Variants in USP33 observed in about 807,000 individuals in gnomAD.
The protein encoded by USP33 is ubiquitin specific peptidase 33.
A neutral mutation model predicts 124.2 loss-of-function variants in USP33; 46 were observed. The observed-to-expected ratio is 0.37, with a 90% CI of 0.29 to 0.47. USP33 has a LOEUF of 0.47. Ranked by LOEUF, USP33 falls within the 20% of genes least tolerant of loss-of-function variation. The pLI is 0.99. For synonymous variants in USP33, 350 were observed against 352.3 expected (o/e 0.99, Z 0.07); for missense variants, 851 against 1,070.6 (o/e 0.79, Z 2.86).
intron 7 of USP33, among the ~76,000 whole-genome samples, chr1:77,733,337 G>A (rs1678060249): frequency 6.6e-6 from 1 of 151,482 alleles, no homozygotes; most frequent in African/African-American, 2.4e-5. Flanking sequence ...GAGCTGCAGT[G>A]AGCCAAAATC....
intron 6 of USP33, 61 bp from the exon 7 acceptor site, chr1:77,734,477 G>A (rs1678190980): frequency 9.4e-7 from 1 of 1,061,552 alleles, no homozygotes; most frequent in Non-Finnish European, 1.4e-6. Context: ...TCAATTTTAG[G>A]GGTCATTAAT....
At position 77,697,358 on chromosome 1, in the gene USP33, G is replaced by C; in HGVS notation, c.2695C>G (p.Gln899Glu). The C allele has an allele frequency of 6.2e-7, 1 of 1,609,168 alleles. No individual in the cohort carries two copies. Among genetic ancestry groups the C allele is most frequent in the South Asian group, 1.1e-5 (1 of 89,770 alleles). Residue 899 changes from glutamine to glutamate, a missense_variant, in exon 24 of 24, where the codon CAA (glutamine) becomes GAA (glutamate). Coordinates refer to ENST00000370794, the MANE Select transcript of USP33 (RefSeq NM_201624.3). ...TCTACTTCAATTTTTTCTTCTGCTT[G>C]AAGTATATCTGGATCAACATGAACA... The part of the protein sequence containing the change: ...PVVHVDPDIL[Q>E]AEEKIEVETR...
chr1:77,752,891 A>G (rs1039094676), intron 1 of USP33, among the ~76,000 whole-genome samples: 2 of 151,942 alleles, frequency 1.3e-5, no homozygotes, highest in Non-Finnish European at 2.9e-5. Context: ...CAGCCTAGCC[A>G]ACATGGTGAA....
At position 77,739,430 on chromosome 1, in the gene USP33, A is replaced by G; in HGVS notation, c.199-13T>C. 6.4e-7 allele frequency: 1 copy of G among 1,573,204 alleles called. No homozygotes were observed. Among genetic ancestry groups the G allele is most frequent in the Non-Finnish European group, 8.6e-7 (1 of 1,161,970 alleles). ...AATGCTTTGTCTCCTATATAATTTC[A>G]CAGTAGAGGGAAAAGAGGAACCAAA... is the stretch of plus-strand genomic sequence containing the variant. On this transcript the variant is annotated splice_polypyrimidine_tract_variant and intron_variant, in intron 4 of 23. Transcript: ENST00000370794.
At chr1:77,750,953 A>T (rs1431594748) in intron 1 of USP33, among the ~76,000 whole-genome samples, 1 of 152,214 alleles carries the variant, frequency 6.6e-6, no homozygotes, top group Non-Finnish European at 1.5e-5. Flanking sequence ...TGTACACCAA[A>T]AGAAAGAAGG....
chr1:77,738,470 G>C (rs1678731769), intron 5 of USP33, among the ~76,000 whole-genome samples: 1 of 151,854 alleles, frequency 6.6e-6, no homozygotes, highest in Non-Finnish European at 1.5e-5. Context: ...GATCCAAAAG[G>C]AGAAAAATCT....
At chr1:77,718,779 A>C in intron 15 of USP33, 138 bp from the exon 16 acceptor site, 3 of 642,216 alleles carry the variant, frequency 4.7e-6, no homozygotes, top group Non-Finnish European at 5.4e-6. Flanking sequence ...AAAATACAAA[A>C]TTAGCCAGGC....
chr1:77,719,953 G>A (rs1676373208), intron 15 of USP33, among the ~76,000 whole-genome samples: 1 of 150,956 alleles, frequency 6.6e-6, no homozygotes, highest in African/African-American at 2.4e-5. Flanking sequence ...TGCAAGCCAA[G>A]GAGTTCACAA....
intron 21 of USP33, among the ~76,000 whole-genome samples, chr1:77,705,921 T>C (rs914436653): frequency 9.9e-5 from 15 of 152,236 alleles, no homozygotes; most frequent in Middle Eastern, 3.2e-3. Flanking sequence ...ATATAGTCTT[T>C]TGTATGTCTT....
At chr1:77,741,531 C>T (rs1267561314) in intron 2 of USP33, 86 bp downstream of exon 2, 6 of 1,534,670 alleles carry the variant, frequency 3.9e-6, no homozygotes, top group African/African-American at 2.8e-5. Flanking sequence ...AAATACTGCT[C>T]ATAGAGTATT....
intron 23 of USP33, 122 bp downstream of exon 23, chr1:77,697,741 A>T: frequency 9.4e-7 from 1 of 1,063,182 alleles, no homozygotes; most frequent in Non-Finnish European, 1.4e-6. Flanking sequence ...TACTTGCCCT[A>T]GTTAATGTAT....
At chr1:77,722,399 T>G in intron 12 of USP33, 1 of 505,368 alleles carries the variant, frequency 2.0e-6, no homozygotes, top group Non-Finnish European at 3.5e-6. Flanking sequence ...ACACTTGCTC[T>G]GTACCAGGTA....
At chr1:77,718,877 C>G (rs995119570) in intron 15 of USP33, among the ~76,000 whole-genome samples, 23 of 136,146 alleles carry the variant, frequency 1.7e-4, no homozygotes, top group African/African-American at 6.1e-4. Context: ...TGCAGAGAGC[C>G]AAGATCGCAC....
At chr1:77,708,534 C>A (rs975757685) in intron 21 of USP33, among the ~76,000 whole-genome samples, 9 of 152,226 alleles carry the variant, frequency 5.9e-5, no homozygotes, top group African/African-American at 1.9e-4. Flanking sequence ...TTTCTGAGCA[C>A]TGCCATAGGC....
chr1:77,696,492 C>T lies in USP33; in HGVS notation c.*825G>A, dbSNP rs1227786258. ...TTTAATAAGCTAGTTAGTGTATATG[C>T]TGCAGTGCAAAAAAAGTGACACCCT... is the stretch of plus-strand genomic sequence containing the variant. On this transcript the variant is annotated 3_prime_UTR_variant, in exon 24 of 24. Transcript: ENST00000370794. The T allele has an allele frequency of 3.3e-5, 5 of 152,668 alleles. No homozygotes were observed. Among genetic ancestry groups the T allele is most frequent in the Admixed American group, 6.5e-5 (1 of 15,298 alleles). The allele number at this position is 152,668 out of a possible 1,614,324, so 9.5% of individuals were successfully genotyped here. A position where few individuals can be genotyped will look rare whatever the true frequency, so the allele number is the denominator to read the frequency against.
chr1:77,747,110 C>A (rs560413007), intron 1 of USP33, among the ~76,000 whole-genome samples: 12 of 152,248 alleles, frequency 7.9e-5, no homozygotes, highest in Admixed American at 5.2e-4. Flanking sequence ...AACTTACCTA[C>A]CTACCTTTTT....
chr1:77,697,574 T>A, intron 23 of USP33, 100 bp from the exon 24 acceptor site: 2 of 1,356,364 alleles, frequency 1.5e-6, no homozygotes, highest in Non-Finnish European at 2.0e-6. Flanking sequence ...TCGGGATAAT[T>A]GAGAACTTCT....
intron 1 of USP33, among the ~76,000 whole-genome samples, chr1:77,746,811 C>T (rs1199311446): frequency 6.6e-6 from 1 of 152,132 alleles, no homozygotes; most frequent in East Asian, 1.9e-4. Flanking sequence ...CAGAAAAGGC[C>T]TTCAACAAAA....
At chr1:77,704,535 TTCTC>T (rs1029379880) in intron 21 of USP33, among the ~76,000 whole-genome samples, 20 of 152,202 alleles carry the variant, frequency 1.3e-4, no homozygotes, top group African/African-American at 4.3e-4. Context: ...AAGGATGTGT[TTCTC>T]TCTAGTTCTG....
Sources: allele counts gnomAD v4.1 joint callset (sites outside exome capture counted in the v4.1 genomes callset), GRCh38; gene constraint gnomAD v4.1.1; transcripts MANE v1.5; gene names NCBI Gene and HGNC (gene_info 2026-07-23, HGNC 2026-07-21).